The following TTC3 variants were observed in gnomAD, a reference collection of about 807,000 sequenced individuals.
TTC3 encodes the protein tetratricopeptide repeat domain 3, also known as E3 ubiquitin-protein ligase TTC3.
TTC3 carries 180 observed loss-of-function variants against 249.6 expected under a neutral mutation model. That is an observed-to-expected ratio of 0.72 (90% CI 0.64 to 0.82). The LOEUF (loss-of-function observed/expected upper bound fraction) is 0.82, where lower values mean the gene tolerates loss of function less well. Ranked by LOEUF, TTC3 falls within the 40% of genes least tolerant of loss-of-function variation. The pLI is 0.00. For synonymous variants in TTC3, 717 were observed against 805.0 expected (o/e 0.89, Z 1.85); for missense variants, 2,061 against 2,398.4 (o/e 0.86, Z 2.94).
intron 13 of TTC3, 128 bp from the exon 14 acceptor site, chr21:37,124,491 A>G: frequency 2.1e-6 from 2 of 947,370 alleles, no homozygotes; most frequent in Non-Finnish European, 3.1e-6. Context: ...CCCATCTCAC[A>G]GGTAGGAAAT....
At position 37,112,230 on chromosome 21, in the gene TTC3, C is replaced by T. The variant is rs539791507; in HGVS notation, c.900+3784C>T. ...TGAAGGAAATAGAGACACAAAAAAC[C>T]CTTCAAAAAATCAGTGAATCCAGGA... On this transcript the variant is annotated intron_variant, in intron 11 of 45. Coordinates refer to ENST00000355666, the Ensembl canonical transcript of TTC3. 2.0e-5 allele frequency among the ~76,000 whole-genome samples: 3 copies of T among 152,180 alleles called. No homozygotes were observed. The South Asian group carries it at 6.2e-4, about 32-fold the overall frequency.
At chr21:37,156,007 G>A (rs2080027672) in intron 27 of TTC3, among the ~76,000 whole-genome samples, 1 of 151,284 alleles carries the variant, frequency 6.6e-6, no homozygotes, top group Non-Finnish European at 1.5e-5. Flanking sequence ...TGGAATGAAA[G>A]TCTTTATGAA....
At chr21:37,126,976 T>C (rs1030821781) in intron 15 of TTC3, among the ~76,000 whole-genome samples, 1 of 152,086 alleles carries the variant, frequency 6.6e-6, no homozygotes, top group Non-Finnish European at 1.5e-5. Context: ...TGCCTCAGCC[T>C]CCCGAGTAGC....
chr21:37,158,384 G>T (rs775854041), intron 28 of TTC3, among the ~76,000 whole-genome samples: 3 of 152,196 alleles, frequency 2.0e-5, no homozygotes, highest in Non-Finnish European at 4.4e-5. Flanking sequence ...TAGTCATGAG[G>T]TCAGAAGCCA....
exon 2 of TTC3, chr21:37,087,345 G>T: frequency 6.2e-7 from 1 of 1,614,028 alleles, no homozygotes; most frequent in Non-Finnish European, 8.5e-7. Flanking sequence ...TGTCTTTGCT[G>T]CTGAATTTAT....
At position 37,105,523 on chromosome 21, in the gene TTC3, AT is replaced by A. The variant is rs761707073; in HGVS notation, c.846-2868del. ...CTTTGTCTTATGTCCTTTAAAAAAAATCTTAATACACATGCTGAAAAGTATA... is the reference window on the plus strand; with the variant it reads ...CTTTGTCTTATGTCCTTTAAAAAAAACTTAATACACATGCTGAAAAGTATA... On this transcript the variant is annotated intron_variant, in intron 10 of 45. Transcript: ENST00000355666. 3.9e-5 allele frequency among the ~76,000 whole-genome samples: 6 copies of A among 152,300 alleles called. No homozygotes were observed. The East Asian group carries it at 9.6e-4, about 24-fold the overall frequency.
chr21:37,165,492 A>G, intron 32 of TTC3, 58 bp from the exon 33 acceptor site: 9 of 1,342,378 alleles, frequency 6.7e-6, no homozygotes, highest in Non-Finnish European at 9.2e-6. Context: ...TTTTTTTCAA[A>G]TAGACATATT....
intron 19 of TTC3, among the ~76,000 whole-genome samples, chr21:37,139,693 A>G (rs1009404730): frequency 6.6e-6 from 1 of 152,180 alleles, no homozygotes; most frequent in African/African-American, 2.4e-5. Context: ...ACAGAACTTC[A>G]TGATTTTCAT....
At chr21:37,101,957 TTTA>T (rs1185399666) in intron 10 of TTC3, among the ~76,000 whole-genome samples, 1 of 149,248 alleles carries the variant, frequency 6.7e-6, no homozygotes, top group African/African-American at 2.4e-5. Flanking sequence ...TATAGATTAT[TTTA>T]TTTACAATGT....
intron 42 of TTC3, among the ~76,000 whole-genome samples, chr21:37,196,479 C>T (rs2084927884): frequency 6.6e-6 from 1 of 152,166 alleles, no homozygotes; most frequent in Non-Finnish European, 1.5e-5. Context: ...TCAAGTGATT[C>T]ACCCGCCTTG....
intron 11 of TTC3, among the ~76,000 whole-genome samples, chr21:37,118,493 T>C (rs1162371291): frequency 1.3e-5 from 2 of 152,206 alleles, no homozygotes; most frequent in Non-Finnish European, 2.9e-5. Context: ...CTATATCATA[T>C]AGGATACAAA....
Position 37,090,177 on chromosome 21 carries a change from A to G in TTC3, c.427-56A>G. 5 of 1,382,114 alleles carry G rather than the reference A, an allele frequency of 3.6e-6. No individual in the cohort carries two copies. In the South Asian group the frequency reaches 6.2e-5, roughly 17 times the overall value. The allele number at this position is 1,382,114 out of a possible 1,614,324, so 85.6% of individuals were successfully genotyped here. ...AATGTAGGCCATTTTTCCGTTAGAAAATTCAAGTAGAATTGACTGAATAAG... is the reference window on the plus strand; with the variant it reads ...AATGTAGGCCATTTTTCCGTTAGAAGATTCAAGTAGAATTGACTGAATAAG... On this transcript the variant is annotated intron_variant, in intron 5 of 45. Transcript: ENST00000355666.
chr21:37,136,006 A>G (rs575582915), intron 18 of TTC3, among the ~76,000 whole-genome samples: 14 of 152,214 alleles, frequency 9.2e-5, no homozygotes, highest in Admixed American at 2.0e-4. Context: ...TATCATTATC[A>G]CTGTATCTGT....
chr21:37,158,333 A>G, intron 28 of TTC3: 1 of 446,048 alleles, frequency 2.2e-6, no homozygotes, highest in Non-Finnish European at 3.0e-6. Context: ...TTCTCTACAT[A>G]TAATACACAG....
In TTC3 at chr21:37,087,879, A is replaced by C; in HGVS notation, c.187+4A>C. 4 of 1,594,990 alleles carry C rather than the reference A, an allele frequency of 2.5e-6. No individual in the cohort carries two copies. Among genetic ancestry groups the C allele is most frequent in the Non-Finnish European group, 3.4e-6 (4 of 1,168,528 alleles). ...ATCCAAAGTGAGAGGAATTTGGGTG[A>C]GTACGTTGGTATTTTTAATGTTAAT... is the stretch of plus-strand genomic sequence containing the variant. On this transcript the variant is annotated splice_donor_region_variant and intron_variant, in intron 3 of 45. Coordinates refer to ENST00000355666, the Ensembl canonical transcript of TTC3.
intron 35 of TTC3, among the ~76,000 whole-genome samples, chr21:37,177,747 CAG>C (rs1258968620): frequency 2.0e-5 from 3 of 152,206 alleles, no homozygotes; most frequent in Non-Finnish European, 4.4e-5. Flanking sequence ...GGCTTGCTTA[CAG>C]GCCTTTGTTA....
chr21:37,155,086 G>A (rs905075662), intron 27 of TTC3, among the ~76,000 whole-genome samples: 1 of 152,184 alleles, frequency 6.6e-6, no homozygotes, highest in Non-Finnish European at 1.5e-5. Context: ...ATTTAAAGTT[G>A]TGAAATGAGT....
intron 7 of TTC3, among the ~76,000 whole-genome samples, chr21:37,092,622 G>GATAGATAAGTAGATAAGATAAGA (rs2073420190): frequency 6.6e-6 from 1 of 152,182 alleles, no homozygotes; most frequent in Admixed American, 6.5e-5. Flanking sequence ...GACTAGATAA[G>GATAGATAAGTAGATAAGATAAGA]TCAGATCTCT....
exon 18 of TTC3, chr21:37,135,442 G>A (rs1569015931): frequency 1.9e-6 from 3 of 1,613,980 alleles, no homozygotes; most frequent in Non-Finnish European, 2.5e-6. Context: ...TGGCCTTATT[G>A]GAGCAGCGTT....
Sources: gnomAD v4.1 joint callset for allele counts (sites outside exome capture counted in the v4.1 genomes callset) on GRCh38, gnomAD v4.1.1 for gene constraint, MANE v1.5 for transcripts, NCBI Gene and HGNC (gene_info 2026-07-23, HGNC 2026-07-21) for gene names.